MYT1L: variants seen among roughly 807,000 people sequenced by gnomAD.
The protein encoded by MYT1L is myelin transcription factor 1 like.
Under a neutral mutation model 126.7 loss-of-function variants are expected in MYT1L, and 12 were observed. The ratio of observed to expected loss-of-function variants is 0.09; its 90% CI spans 0.06 to 0.15. The LOEUF is 0.15. Ranked by LOEUF, MYT1L falls within the 10% of genes least tolerant of loss-of-function variation. MYT1L has a pLI of 1.00. For missense variants in MYT1L, 979 were observed against 1,585.2 expected (o/e 0.62, Z 6.49); for synonymous variants, 541 against 604.2 (o/e 0.90, Z 1.53).
At chr2:2,025,628 A>C (rs1171699142) in intron 4 of MYT1L, among the ~76,000 whole-genome samples, 1 of 152,216 alleles carries the variant, frequency 6.6e-6, no homozygotes, top group Non-Finnish European at 1.5e-5. Flanking sequence ...TTAAGCTGGG[A>C]CATCAATACG....
At chr2:2,295,597 G>T (rs1559583744) in intron 1 of MYT1L, among the ~76,000 whole-genome samples, 1 of 92,932 alleles carries the variant, frequency 1.1e-5, no homozygotes, top group Non-Finnish European at 2.1e-5. Context: ...GACAGACAGA[G>T]AGAGAGACAG....
intron 18 of MYT1L, among the ~76,000 whole-genome samples, chr2:1,872,617 A>G (rs2046408483): frequency 5.3e-5 from 8 of 152,220 alleles, no homozygotes; most frequent in Admixed American, 5.2e-4. Context: ...TGGAATTTCA[A>G]GTATAAGAAG....
At chr2:2,036,540 A>G (rs572975049) in intron 4 of MYT1L, among the ~76,000 whole-genome samples, 107 of 152,232 alleles carry the variant, frequency 7.0e-4, no homozygotes, top group Non-Finnish European at 1.3e-3. Context: ...TCCAGGCAAT[A>G]GAATCCCATC....
At chr2:2,207,125 T>C (rs1327909966) in intron 2 of MYT1L, among the ~76,000 whole-genome samples, 1 of 152,234 alleles carries the variant, frequency 6.6e-6, no homozygotes, top group African/African-American at 2.4e-5. Context: ...TTGAAAATAT[T>C]GTGGCCAGAG....
intron 2 of MYT1L, among the ~76,000 whole-genome samples, chr2:2,230,505 G>GTTC (rs2094135422): frequency 6.6e-6 from 1 of 152,200 alleles, no homozygotes; most frequent in Non-Finnish European, 1.5e-5. Context: ...TGACTATTAT[G>GTTC]GGTCTTGCTG....
intron 21 of MYT1L, among the ~76,000 whole-genome samples, chr2:1,838,210 G>A (rs2041169509): frequency 1.3e-5 from 2 of 151,950 alleles, no homozygotes; most frequent in African/African-American, 2.4e-5. Flanking sequence ...CACTGTGCCC[G>A]GCCAATTTTT....
chr2:1,811,878 C>T lies in MYT1L; in HGVS notation c.3081-2711G>A, dbSNP rs922840420. On this transcript the variant is annotated intron_variant, in intron 21 of 24. Transcript: ENST00000647738. The surrounding 1 kb of genome is among the most constrained non-coding windows in gnomAD (Gnocchi z 4.4). ...GCCTCCCCATCAGATCCCAGCAGGA[C>T]GCCCTGCAAATCCGGCTGGGGTGGG... is the stretch of plus-strand genomic sequence containing the variant. Among the ~76,000 whole-genome samples the T allele has an allele frequency of 7.2e-5, 11 of 152,176 alleles. No homozygotes were observed. Among genetic ancestry groups the T allele is most frequent in the Admixed American group, 2.6e-4 (4 of 15,278 alleles).
At chr2:2,171,751 A>G (rs1277850768) in intron 3 of MYT1L, among the ~76,000 whole-genome samples, 1 of 152,220 alleles carries the variant, frequency 6.6e-6, no homozygotes, top group Non-Finnish European at 1.5e-5. Flanking sequence ...TGAGAAAATA[A>G]TTAGAACAAC....
At chr2:2,187,817 A>G (rs1250797105) in intron 2 of MYT1L, among the ~76,000 whole-genome samples, 2 of 152,164 alleles carry the variant, frequency 1.3e-5, no homozygotes, top group South Asian at 2.1e-4. Flanking sequence ...ACAAGTCTCA[A>G]TACACCTATG....
At chr2:2,245,286 G>A (rs1249305512) in intron 2 of MYT1L, among the ~76,000 whole-genome samples, 1 of 152,048 alleles carries the variant, frequency 6.6e-6, no homozygotes, top group Non-Finnish European at 1.5e-5. Flanking sequence ...CATGTGCTGG[G>A]CCGACTGAGA....
intron 3 of MYT1L, among the ~76,000 whole-genome samples, chr2:2,113,916 A>G (rs916411404): frequency 6.6e-6 from 1 of 152,050 alleles, no homozygotes; most frequent in African/African-American, 2.4e-5. Context: ...ATAGGAAAAC[A>G]GTTATGAAAA....
chr2:1,807,302 A>G (rs1191036476), intron 22 of MYT1L, among the ~76,000 whole-genome samples: 4 of 152,226 alleles, frequency 2.6e-5, no homozygotes, highest in Non-Finnish European at 5.9e-5. Flanking sequence ...GGCGTCTCTC[A>G]TGCTGTCCTC....
intron 8 of MYT1L, among the ~76,000 whole-genome samples, chr2:1,966,454 T>A (rs11127298): frequency 6.6e-6 from 1 of 152,096 alleles, no homozygotes; most frequent in Non-Finnish European, 1.5e-5. Context: ...TCCATTGATG[T>A]GGGTGTAAAC....
At chr2:2,253,849 C>CT (rs1252750633) in intron 2 of MYT1L, among the ~76,000 whole-genome samples, 1 of 152,088 alleles carries the variant, frequency 6.6e-6, no homozygotes, top group African/African-American at 2.4e-5. Context: ...AACAATCATT[C>CT]CAGCCACTGC....
At chr2:1,808,447 C>T (rs886405916) in intron 22 of MYT1L, among the ~76,000 whole-genome samples, 12 of 152,162 alleles carry the variant, frequency 7.9e-5, no homozygotes, top group African/African-American at 2.7e-4. Context: ...AAATTAATTT[C>T]GGCAGGGAGG....
intron 2 of MYT1L, among the ~76,000 whole-genome samples, chr2:2,269,300 G>T (rs560018080): frequency 3.7e-4 from 56 of 152,262 alleles, no homozygotes; most frequent in Non-Finnish European, 5.6e-4. Context: ...GTATTCTCAG[G>T]CTGTGCGCTT....
intron 18 of MYT1L, among the ~76,000 whole-genome samples, chr2:1,877,498 C>T (rs2047057872): frequency 6.6e-6 from 1 of 152,054 alleles, no homozygotes; most frequent in Admixed American, 6.6e-5. Flanking sequence ...ATATTTTCTC[C>T]CCTTTGCTAA....
chr2:1,963,240 T>C (rs1049820298), intron 8 of MYT1L, among the ~76,000 whole-genome samples: 4 of 152,206 alleles, frequency 2.6e-5, no homozygotes, highest in Non-Finnish European at 5.9e-5. Context: ...AAGAAAATTT[T>C]TTTTCCCCCT....
intron 3 of MYT1L, among the ~76,000 whole-genome samples, chr2:2,102,176 T>C (rs1414432227): frequency 6.6e-6 from 1 of 152,340 alleles, no homozygotes; most frequent in African/African-American, 2.4e-5. Context: ...TTCTGAGCTT[T>C]TTTTTATGTA....
Sources: gnomAD v4.1 joint callset for allele counts (sites outside exome capture counted in the v4.1 genomes callset) on GRCh38, gnomAD v4.1.1 for gene constraint, Gnocchi (gnomAD v3.1) non-coding constraint, MANE v1.5 for transcripts, NCBI Gene and HGNC (gene_info 2026-07-23, HGNC 2026-07-21) for gene names.